DNAH17: variants seen among roughly 807,000 people sequenced by gnomAD.
DNAH17 encodes dynein axonemal heavy chain 17.
In DNAH17, 376 loss-of-function variants were observed where a neutral mutation model predicts 485.6. That is an observed-to-expected ratio of 0.77 (90% CI 0.71 to 0.84). DNAH17 has a LOEUF of 0.84. DNAH17 is among the 40% of genes least tolerant of loss of function. DNAH17 has a pLI of 0.00. For missense variants in DNAH17, 6,370 were observed against 5,839.3 expected (o/e 1.09, Z -2.96); for synonymous variants, 3,031 against 2,405.9 (o/e 1.26, Z -7.60).
At chr17:78,443,940 G>A (rs533355247) in intron 71 of DNAH17, among the ~76,000 whole-genome samples, 24 of 152,308 alleles carry the variant, frequency 1.6e-4, no homozygotes, top group African/African-American at 4.1e-4. Context: ...ACAGGCCACA[G>A]GTGCTCTGAG....
At chr17:78,424,183 TGTGCTGCCAGTAAGTGAGGGAG>T in intron 80 of DNAH17, 30 bp from the exon 81 acceptor site, 1 of 1,586,086 alleles carries the variant, frequency 6.3e-7, no homozygotes, top group Non-Finnish European at 8.6e-7. Flanking sequence ...GAGGGTCAGG[TGTGCTGCCAGTAAGTGAGGGAG>T]GGGCTGGCAG....
Position 78,539,793 on chromosome 17 carries a change from A to C in DNAH17, c.2620T>G (p.Phe874Val), listed in dbSNP as rs759027712. Residue 874 changes from phenylalanine to valine, a missense_variant, in exon 18 of 81, where the codon TTT becomes GTT. Physicochemically the swap from Phe to Val is conservative, Grantham distance 50 (BLOSUM62 -1). Transcript: ENST00000389840. ...IYIDDMVLDEFDQFIRKSLSF... is the reference protein window; with the variant it reads ...IYIDDMVLDEVDQFIRKSLSF... Reference sequence around the variant, plus strand: ...AGAGATTTGCGAATGAACTGGTCAAATTCATCTAAGACCATGTCGTCAATG... The same window carrying C: ...AGAGATTTGCGAATGAACTGGTCAACTTCATCTAAGACCATGTCGTCAATG... 6.2e-7 allele frequency: 1 copy of C among 1,612,098 alleles called. No homozygotes were observed. Among genetic ancestry groups the C allele is most frequent in the East Asian group, 2.2e-5 (1 of 44,864 alleles).
intron 54 of DNAH17, among the ~76,000 whole-genome samples, chr17:78,473,361 G>A (rs186504883): frequency 1.7e-3 from 251 of 152,118 alleles, no homozygotes; most frequent in South Asian, 0.013. Flanking sequence ...AGGCTAACAC[G>A]GTGAAACCCC....
Position 78,445,248 on chromosome 17 carries a change from A to G in DNAH17, c.11334+310T>C, listed in dbSNP as rs8080881. On this transcript the variant is annotated intron_variant, in intron 70 of 80. Coordinates refer to ENST00000389840, the MANE Select transcript of DNAH17 (RefSeq NM_173628.4). ...AGGAGGGGAGGCTGGGGGGAGGAGG[A>G]GAGGTTGAGGGAGGGATGGTAAGAG... is the stretch of plus-strand genomic sequence containing the variant. Among the ~76,000 whole-genome samples the G allele has an allele frequency of 8.5e-3, 1,218 of 143,420 alleles. 17 individuals carry two copies. The highest frequency in any genetic ancestry group is 0.031 in the African/African-American group (1,133 of 36,212). The allele number at this position is 143,420 out of a possible 152,430, so 94.1% of individuals were successfully genotyped here. A position where few individuals can be genotyped will look rare whatever the true frequency, so the allele number is the denominator to read the frequency against.
intron 51 of DNAH17, among the ~76,000 whole-genome samples, chr17:78,478,367 A>C (rs2089187117): frequency 6.6e-6 from 1 of 150,504 alleles, no homozygotes. Flanking sequence ...CATCACCACC[A>C]CCATCACTGC....
At chr17:78,531,675 T>C (rs1206327351) in intron 20 of DNAH17, among the ~76,000 whole-genome samples, 1 of 152,256 alleles carries the variant, frequency 6.6e-6, no homozygotes, top group East Asian at 1.9e-4. Context: ...ACTATAGTTA[T>C]TCCTACTTGT....
intron 13 of DNAH17, 34 bp from the exon 14 acceptor site, chr17:78,558,288 G>T (rs757347507): frequency 1.2e-6 from 2 of 1,608,660 alleles, no homozygotes; most frequent in Non-Finnish European, 1.7e-6. Flanking sequence ...GAACATGTCA[G>T]CAGGTCAGGT....
At chr17:78,517,573 A>G (rs2090821829) in intron 25 of DNAH17, among the ~76,000 whole-genome samples, 1 of 152,194 alleles carries the variant, frequency 6.6e-6, no homozygotes, top group South Asian at 2.1e-4. Context: ...ATGGCAGCCT[A>G]CAGAGACATG....
At chr17:78,537,619 C>G (rs1398205517) in intron 18 of DNAH17, 138 bp from the exon 19 acceptor site, 3 of 1,035,092 alleles carry the variant, frequency 2.9e-6, no homozygotes, top group Non-Finnish European at 4.2e-6. Context: ...GAGCTCGTGT[C>G]TCAGCGCACC....
rs754111089 is a variant in DNAH17 at position 78,475,345 on chromosome 17, G to A, written c.8444C>T (p.Ala2815Val). 2.6e-5 allele frequency: 42 copies of A among 1,613,852 alleles called. No homozygotes were observed. Among genetic ancestry groups the A allele is most frequent in the Non-Finnish European group, 3.3e-5 (39 of 1,179,908 alleles). ...AAACACGTCAAGCCCGCTGATGTAC[G>A]CTGCCAGGCGGGAGAGGCTCTGTTT... ...SGKQSLSRLAAYISGLDVFQI... is the reference protein window; with the variant it reads ...SGKQSLSRLAVYISGLDVFQI... The change falls in exon 54 of 81, where the codon GCG becomes GTG. Residue 2815 changes from alanine (A) to valine (V), a missense_variant. Transcript: ENST00000389840.
chr17:78,435,979 A>C (rs2086839682), intron 74 of DNAH17, among the ~76,000 whole-genome samples: 1 of 152,190 alleles, frequency 6.6e-6, no homozygotes, highest in African/African-American at 2.4e-5. Flanking sequence ...ACACTTTGAC[A>C]AGGGTGTGTC....
chr17:78,532,374 G>C (rs1033116037), intron 20 of DNAH17, 108 bp downstream of exon 20: 2 of 1,423,206 alleles, frequency 1.4e-6, no homozygotes, highest in Non-Finnish European at 1.9e-6. Flanking sequence ...TGCCCTACCT[G>C]GAAACCTGCA....
chr17:78,505,500 C>T (rs907428172), intron 30 of DNAH17, 55 bp from the exon 31 acceptor site: 69 of 1,611,010 alleles, frequency 4.3e-5, no homozygotes, highest in Middle Eastern at 1.7e-4. Context: ...AAGGCATGTG[C>T]GTGGCTTGGG....
chr17:78,427,353 G>GC (rs1417275473), intron 77 of DNAH17, among the ~76,000 whole-genome samples: 3 of 152,214 alleles, frequency 2.0e-5, no homozygotes, highest in African/African-American at 4.8e-5. Flanking sequence ...GGCCATGAGC[G>GC]CATCAGGCCA....
At chr17:78,551,977 A>AAAAAG (rs932841513) in intron 15 of DNAH17, among the ~76,000 whole-genome samples, 3 of 151,928 alleles carry the variant, frequency 2.0e-5, no homozygotes, top group African/African-American at 7.3e-5. Flanking sequence ...AAAAAAAAAA[A>AAAAAG]AAAATTCAGC....
At chr17:78,434,869 G>T (rs114608806) in intron 74 of DNAH17, among the ~76,000 whole-genome samples, 1 of 152,186 alleles carries the variant, frequency 6.6e-6, no homozygotes. Flanking sequence ...AGCGGCTGAC[G>T]GAGCACCTCT....
chr17:78,484,354 C>T (rs1238917428), intron 48 of DNAH17, among the ~76,000 whole-genome samples: 3 of 152,026 alleles, frequency 2.0e-5, no homozygotes, highest in African/African-American at 2.4e-5. Flanking sequence ...TCTCTCCACC[C>T]AGAATGCTCT....
intron 40 of DNAH17, 89 bp from the exon 41 acceptor site, chr17:78,494,262 G>A: frequency 6.6e-7 from 1 of 1,519,352 alleles, no homozygotes; most frequent in Non-Finnish European, 8.8e-7. Context: ...TGCCCCGTGG[G>A]GGAGATGATA....
At chr17:78,450,198 A>T in intron 68 of DNAH17, 56 bp downstream of exon 68, 1 of 1,598,188 alleles carries the variant, frequency 6.3e-7, no homozygotes, top group South Asian at 1.1e-5. Flanking sequence ...CTGGCTGTGG[A>T]GCCCAGATGC....
Sources: gnomAD v4.1 joint callset for allele counts (sites outside exome capture counted in the v4.1 genomes callset) on GRCh38, gnomAD v4.1.1 for gene constraint, MANE v1.5 for transcripts, NCBI Gene and HGNC (gene_info 2026-07-23, HGNC 2026-07-21) for gene names.